SVEP1: variants seen among roughly 807,000 people sequenced by gnomAD.
SVEP1 encodes the protein sushi, von Willebrand factor type A, EGF and pentraxin domain containing 1.
A neutral mutation model predicts 367.3 loss-of-function variants in SVEP1; 164 were observed. The ratio of observed to expected loss-of-function variants is 0.45; its 90% confidence interval spans 0.39 to 0.51. The LOEUF (loss-of-function observed/expected upper bound fraction) is 0.51, where lower values mean the gene tolerates loss of function less well. Ranked by LOEUF, SVEP1 falls within the 20% of genes least tolerant of loss-of-function variation. The pLI, the probability that SVEP1 is intolerant of heterozygous loss-of-function variation, is 0.00. For missense variants in SVEP1, 4,117 were observed against 4,425.3 expected (o/e 0.93, Z 1.98); for synonymous variants, 1,666 against 1,611.6 (o/e 1.03, Z -0.81).
chr9:110,564,844 T>A (rs1830470366), intron 1 of SVEP1, among the ~76,000 whole-genome samples: 1 of 135,968 alleles, frequency 7.4e-6, no homozygotes, highest in South Asian at 2.6e-4. Context: ...GTAGTCATAT[T>A]TATATACATT....
At chr9:110,382,873 G>A (rs1339974717) in intron 43 of SVEP1, among the ~76,000 whole-genome samples, 1 of 152,180 alleles carries the variant, frequency 6.6e-6, no homozygotes, top group East Asian at 1.9e-4. Context: ...TTGTTGCATT[G>A]TGAAGTTCTC....
intron 3 of SVEP1, among the ~76,000 whole-genome samples, chr9:110,540,640 A>G (rs1042977435): frequency 1.3e-5 from 2 of 152,180 alleles, no homozygotes; most frequent in Admixed American, 1.3e-4. Context: ...CTTGAAACTA[A>G]TTCATTGAAG....
chr9:110,472,053 CAG>C (rs1363742047), intron 15 of SVEP1, 104 bp downstream of exon 15: 1 of 1,171,882 alleles, frequency 8.5e-7, no homozygotes, highest in African/African-American at 1.5e-5. Flanking sequence ...TTCTCAATTC[CAG>C]AGTCATTTCC....
At chr9:110,441,394 C>G (rs1256032413) in intron 27 of SVEP1, among the ~76,000 whole-genome samples, 4 of 152,170 alleles carry the variant, frequency 2.6e-5, no homozygotes, top group Non-Finnish European at 5.9e-5. Flanking sequence ...TATAAATCAC[C>G]CTTGCTCCCT....
chr9:110,497,963 C>T (rs1191409935), intron 7 of SVEP1, among the ~76,000 whole-genome samples: 1 of 21,470 alleles, frequency 4.7e-5, no homozygotes, highest in Non-Finnish European at 8.4e-5. Flanking sequence ...AGCATATTAA[C>T]TCTGAAAAAA....
At position 110,407,686 on chromosome 9, in the gene SVEP1, G is replaced by A. The variant is rs368231916; in HGVS notation, c.7914C>T (p.Asp2638=). ...TCACATATGGAACTTCCATCATGTCGTCTTCTTGCTCAAAATATCCCTGGT... is the reference window on the plus strand; with the variant it reads ...TCACATATGGAACTTCCATCATGTCATCTTCTTGCTCAAAATATCCCTGGT... ...KDDQGYFEQE[D]DMMEVPYVTP... Residue 2638 remains aspartate (D), a synonymous_variant, in exon 38 of 48, where the codon GAC becomes GAT. Transcript: ENST00000374469. 84 of 1,613,840 alleles carry A rather than the reference G, an allele frequency of 5.2e-5. No individual in the cohort carries two copies. Among genetic ancestry groups the A allele is most frequent in the South Asian group, 3.7e-4 (34 of 91,084 alleles).
At chr9:110,387,878 ATAAC>A (rs1361137163) in intron 41 of SVEP1, among the ~76,000 whole-genome samples, 2 of 152,256 alleles carry the variant, frequency 1.3e-5, no homozygotes, top group Admixed American at 1.3e-4. Context: ...TATCAGATAA[ATAAC>A]AAATACATTT....
At chr9:110,521,912 G>C (rs1829880279) in intron 3 of SVEP1, among the ~76,000 whole-genome samples, 1 of 151,942 alleles carries the variant, frequency 6.6e-6, no homozygotes, top group Non-Finnish European at 1.5e-5. Flanking sequence ...TTGACACTTA[G>C]GTTGATTCTA....
Position 110,369,971 on chromosome 9 carries a change from G to A in SVEP1, c.10646C>T (p.Pro3549Leu). 6.2e-7 allele frequency: 1 copy of A among 1,613,206 alleles called. No homozygotes were observed. ...AGAAGAAAGACAGTGACATCGGTTT[G>A]GTCTTACACATTTTCCACCATTTAA... Reference protein sequence around the residue: ...PCLNGGKCVRPNRCHCLSSWT... With the variant: ...PCLNGGKCVRLNRCHCLSSWT... The change falls in exon 47 of 48, where the codon CCA (proline) becomes CTA (leucine). Residue 3549 changes from proline (P) to leucine (L), a missense_variant. Transcript: ENST00000374469.
chr9:110,469,517 C>T (rs1161123808), intron 16 of SVEP1, among the ~76,000 whole-genome samples: 1 of 152,180 alleles, frequency 6.6e-6, no homozygotes, highest in Non-Finnish European at 1.5e-5. Flanking sequence ...TCTCTGAATG[C>T]TTCCCCATTG....
chr9:110,410,742 T>C (rs1178317888), intron 37 of SVEP1, among the ~76,000 whole-genome samples: 6 of 152,206 alleles, frequency 3.9e-5, no homozygotes, highest in Non-Finnish European at 7.3e-5. Flanking sequence ...AATTTGTTCA[T>C]TGCCCCGCTT....
chr9:110,387,366 T>C lies in SVEP1; in HGVS notation c.9979A>G (p.Arg3327Gly), dbSNP rs1827541399. The C allele has an allele frequency of 6.2e-7, 1 of 1,613,678 alleles. No homozygotes were observed. The highest frequency in any genetic ancestry group is 1.3e-5 in the African/African-American group (1 of 74,916). Residue 3327 changes from arginine (R) to glycine (G), a missense_variant, in exon 42 of 48, where the codon AGA (arginine) becomes GGA (glycine). By Grantham distance (125) the Arg-to-Gly change is moderately radical. Transcript: ENST00000374469. ...TGPNVVYSCN[R>G]GYSLEGPSEA... ...GATGGCCCTTCAAGACTGTAGCCTC[T>C]GTTGCAGGAATATACCACGTTGGGT...
At chr9:110,578,666 T>C (rs1163352400) in intron 1 of SVEP1, among the ~76,000 whole-genome samples, 2 of 152,186 alleles carry the variant, frequency 1.3e-5, no homozygotes, top group Non-Finnish European at 2.9e-5. Flanking sequence ...GTCCTACCTT[T>C]AGAAACACTT....
intron 37 of SVEP1, among the ~76,000 whole-genome samples, chr9:110,410,283 A>G (rs1400821579): frequency 6.6e-6 from 1 of 152,124 alleles, no homozygotes; most frequent in African/African-American, 2.4e-5. Flanking sequence ...TCTCATTCCT[A>G]TTTTCTTGGT....
chr9:110,507,650 G>A (rs930325546), intron 5 of SVEP1, among the ~76,000 whole-genome samples: 18 of 152,116 alleles, frequency 1.2e-4, no homozygotes, highest in African/African-American at 4.3e-4. Flanking sequence ...TCCTGAATGT[G>A]CCCATTTATG....
chr9:110,469,968 C>A (rs1162511521), intron 16 of SVEP1, among the ~76,000 whole-genome samples: 1 of 152,110 alleles, frequency 6.6e-6, no homozygotes, highest in Non-Finnish European at 1.5e-5. Context: ...TATAAAAAAC[C>A]CAACGGAGCT....
In SVEP1 at chr9:110,408,965, A is replaced by G. The variant is rs1342236254; in HGVS notation, c.6649-14T>C. On this transcript the variant is annotated splice_polypyrimidine_tract_variant and intron_variant, in intron 37 of 47. Coordinates refer to ENST00000374469, the MANE Select transcript of SVEP1 (RefSeq NM_153366.4). ...GCCAGTTGTATGCTGTGCAACAGGA[A>G]GAAAGCAAGTGAGTGCGATTTGTAT... The G allele has an allele frequency of 1.3e-6, 2 of 1,545,588 alleles. No individual in the cohort carries two copies. The highest frequency in any genetic ancestry group is 1.7e-6 in the Non-Finnish European group (2 of 1,149,342).
At position 110,389,556 on chromosome 9, in the gene SVEP1, C is replaced by G. The variant is rs370695796; in HGVS notation, c.9854G>C (p.Arg3285Thr). The change falls in exon 41 of 48, where the codon AGA (arginine) becomes ACA (threonine). Residue 3285 changes from arginine to threonine, a missense_variant. Arg to Thr is a moderately conservative substitution (Grantham distance 71). This residue lies in a region of SVEP1 where 1,765 missense variants were observed against 1,781.1 expected (regional missense o/e 0.99). Coordinates refer to ENST00000374469, the MANE Select transcript of SVEP1 (RefSeq NM_153366.4). Reference sequence around the variant, plus strand: ...TATTGCCACCCCTCCACTCCACTGTCTGTTCTCCTGGCAGACACGTTCCCT... The same window carrying G: ...TATTGCCACCCCTCCACTCCACTGTGTGTTCTCCTGGCAGACACGTTCCCT... The part of the protein sequence containing the change: ...GNRERVCQEN[R>T]QWSGGVAICK... The G allele has an allele frequency of 1.2e-6, 2 of 1,613,788 alleles. No individual in the cohort carries two copies. The highest frequency in any genetic ancestry group is 1.3e-5 in the African/African-American group (1 of 75,030).
intron 36 of SVEP1, among the ~76,000 whole-genome samples, chr9:110,423,668 A>G (rs1433635041): frequency 6.6e-6 from 1 of 152,198 alleles, no homozygotes; most frequent in Non-Finnish European, 1.5e-5. Context: ...ATATGGGTAT[A>G]TTAAAATAAA....
Sources: gnomAD v4.1 joint callset for allele counts (sites outside exome capture counted in the v4.1 genomes callset) on GRCh38, gnomAD v4.1.1 for gene constraint, gnomAD v4.1.1 regional missense constraint, MANE v1.5 for transcripts, NCBI Gene and HGNC (gene_info 2026-07-23, HGNC 2026-07-21) for gene names.